The following GVQW3 variants were observed in gnomAD, a reference collection of about 807,000 sequenced individuals.
The protein encoded by GVQW3 is GVQW motif containing 3.
GVQW3 carries 7 observed loss-of-function variants against 12.5 expected under a neutral mutation model. The observed-to-expected ratio is 0.56, with a 90% CI of 0.32 to 1.05. GVQW3 has a LOEUF of 1.05. Ranked by LOEUF, GVQW3 falls within the 50% of genes least tolerant of loss-of-function variation. GVQW3 has a pLI of 0.04. For synonymous variants in GVQW3, 71 were observed against 67.2 expected (o/e 1.06, Z -0.28); for missense variants, 188 against 190.8 (o/e 0.99, Z 0.09).
intron 1 of GVQW3, 133 bp downstream of exon 1, chr11:76,382,426 C>T (rs950842292): frequency 2.8e-6 from 2 of 708,724 alleles, no homozygotes; most frequent in Admixed American, 4.2e-5. Context: ...AAGCCTTCCC[C>T]CCAGGGTAGC....
At chr11:76,411,564 CTG>C (rs1326976069), downstream of GVQW3, 1 of 152,170 alleles carries the variant, frequency 6.6e-6, no homozygotes, top group African/African-American at 2.4e-5. Flanking sequence ...AGGGTAACAA[CTG>C]GGGCCTGGTG....
chr11:76,397,996 G>A (rs1036891505), intron 1 of GVQW3, among the ~76,000 whole-genome samples: 5 of 152,058 alleles, frequency 3.3e-5, no homozygotes, highest in Non-Finnish European at 5.9e-5. Flanking sequence ...GTAGCCTGGT[G>A]TGGTGGCCTG....
intron 1 of GVQW3, chr11:76,394,986 C>G (rs1323913231): frequency 2.0e-5 from 3 of 152,176 alleles, no homozygotes; most frequent in African/African-American, 7.2e-5. Context: ...TGTTTTTCTT[C>G]TCTACTAGCC....
At chr11:76,393,689 C>G (rs1401594292) in intron 1 of GVQW3, among the ~76,000 whole-genome samples, 1 of 152,094 alleles carries the variant, frequency 6.6e-6, no homozygotes, top group East Asian at 1.9e-4. Flanking sequence ...CCCCTACCAC[C>G]ATGTAAAATG....
chr11:76,393,439 C>T (rs751420693), intron 1 of GVQW3, among the ~76,000 whole-genome samples: 4 of 152,228 alleles, frequency 2.6e-5, no homozygotes, highest in African/African-American at 4.8e-5. Flanking sequence ...CACCTCTCAC[C>T]TCACTGTCTG....
chr11:76,385,751 G>A (rs1326441747), intron 1 of GVQW3, among the ~76,000 whole-genome samples: 2 of 152,290 alleles, frequency 1.3e-5, no homozygotes, highest in Middle Eastern at 3.4e-3. Flanking sequence ...AAGAAGCAGG[G>A]TGGGGTGACA....
At chr11:76,413,601 C>G (rs951138786) in exon 2 of GVQW3, 2 of 152,242 alleles carry the variant, frequency 1.3e-5, no homozygotes, top group Non-Finnish European at 2.9e-5. Context: ...AAGAGCAGCT[C>G]TCCTTCCCAA....
Position 76,403,739 on chromosome 11 carries a change from C to T in GVQW3, c.545C>T (p.Ala182Val), listed in dbSNP as rs1319854004. The part of the protein sequence containing the change: ...QGILPPWPPK[A>V]LGLSA ...ATCCTCCCACCTTGGCCTCCCAAAG[C>T]TCTGGGATTATCAGCATGAGCCACC... The change falls in exon 2 of 2, where the codon GCT becomes GTT. Residue 182 changes from alanine to valine, a missense_variant. Ala to Val is a moderately conservative substitution (Grantham distance 64). Transcript: ENST00000529331. 3.9e-6 allele frequency: 2 copies of T among 518,428 alleles called. No homozygotes were observed. The highest frequency in any genetic ancestry group is 7.0e-6 in the Non-Finnish European group (2 of 285,968). 32.1% of individuals were successfully genotyped at this position (518,428 alleles called of 1,614,324 possible).
intron 1 of GVQW3, chr11:76,382,575 C>T (rs1946788601): frequency 1.7e-6 from 1 of 589,284 alleles, no homozygotes; most frequent in Admixed American, 3.1e-5. Flanking sequence ...TGCCATGGCC[C>T]TCCTCATTAC....
At chr11:76,403,225 C>T (rs928197449) in intron 1 of GVQW3, among the ~76,000 whole-genome samples, 2 of 152,126 alleles carry the variant, frequency 1.3e-5, no homozygotes, top group Non-Finnish European at 2.9e-5. Context: ...GGATTACAGG[C>T]GTGAGCCACC....
At chr11:76,384,602 C>T (rs1015259375) in intron 1 of GVQW3, among the ~76,000 whole-genome samples, 9 of 152,324 alleles carry the variant, frequency 5.9e-5, no homozygotes, top group Admixed American at 5.2e-4. Context: ...GGATTACAGG[C>T]GTGAGCCACC....
chr11:76,393,174 G>A (rs888356163), intron 1 of GVQW3, among the ~76,000 whole-genome samples: 1 of 152,186 alleles, frequency 6.6e-6, no homozygotes, highest in Non-Finnish European at 1.5e-5. Context: ...ATTAAAAATT[G>A]TAGAATACAT....
downstream of GVQW3, among the ~76,000 whole-genome samples, chr11:76,410,434 G>GTT (rs66664306): frequency 5.2e-3 from 771 of 148,124 alleles, 2 homozygotes; most frequent in African/African-American, 0.016. Context: ...GGTCTGTTTT[G>GTT]TTTTTTTTTT....
rs532756729 is a variant in GVQW3 at position 76,407,301 on chromosome 11, C to G, written c.*3543C>G. Reference sequence around the variant, plus strand: ...AAGCTTTAAAGAGTTTAAACCACACCGGTCACAGTGGTTCACGCCTGTAAT... The same window carrying G: ...AAGCTTTAAAGAGTTTAAACCACACGGGTCACAGTGGTTCACGCCTGTAAT... On this transcript the variant is annotated 3_prime_UTR_variant, in exon 2 of 2. Coordinates refer to ENST00000529331, the MANE Select transcript of GVQW3 (RefSeq NM_001347885.2). The G allele has an allele frequency of 6.6e-6, 1 of 151,972 alleles. No individual in the cohort carries two copies. Among genetic ancestry groups the G allele is most frequent in the South Asian group, 2.1e-4 (1 of 4,820 alleles). 9.4% of individuals were successfully genotyped at this position (151,972 alleles called of 1,614,324 possible).
chr11:76,386,113 G>A (rs1369000666), intron 1 of GVQW3, among the ~76,000 whole-genome samples: 3 of 152,146 alleles, frequency 2.0e-5, no homozygotes, highest in African/African-American at 4.8e-5. Flanking sequence ...CCGCCCCCAC[G>A]CTCATTCTAA....
chr11:76,393,588 T>C (rs1220311914), intron 1 of GVQW3, among the ~76,000 whole-genome samples: 1 of 152,144 alleles, frequency 6.6e-6, no homozygotes. Flanking sequence ...GCCATCCACC[T>C]GGGAAACTCC....
intron 1 of GVQW3, among the ~76,000 whole-genome samples, chr11:76,397,064 G>C (rs566922057): frequency 1.3e-4 from 17 of 131,290 alleles, no homozygotes; most frequent in African/African-American, 4.8e-4. Context: ...AGAGTGCAAT[G>C]GTGATCTCAG....
At chr11:76,389,196 G>C (rs909079743) in intron 1 of GVQW3, among the ~76,000 whole-genome samples, 2 of 152,318 alleles carry the variant, frequency 1.3e-5, no homozygotes, top group African/African-American at 4.8e-5. Flanking sequence ...TAAGTGAAAA[G>C]AGTGATATAC....
chr11:76,385,118 C>CAGG, intron 1 of GVQW3, among the ~76,000 whole-genome samples: 1 of 152,194 alleles, frequency 6.6e-6, no homozygotes, highest in East Asian at 1.9e-4. Context: ...GTACCAGAAG[C>CAGG]TATGTTGGTC....
Sources: allele counts gnomAD v4.1 joint callset (sites outside exome capture counted in the v4.1 genomes callset), GRCh38; gene constraint gnomAD v4.1.1; transcripts MANE v1.5; gene names NCBI Gene and HGNC (gene_info 2026-07-23, HGNC 2026-07-21).